CMSS1: variants seen among roughly 807,000 people sequenced by gnomAD.
CMSS1 encodes the protein cms1 ribosomal small subunit homolog.
A neutral mutation model predicts 43.5 loss-of-function variants in CMSS1; 33 were observed. The observed-to-expected ratio is 0.76, with a 90% CI of 0.57 to 1.01. CMSS1 has a LOEUF of 1.01. Among genes scored for constraint, CMSS1 ranks in the 50% least tolerant of loss-of-function variants. The probability of loss-of-function intolerance (pLI) is 0.00; values close to 1 mark genes in which losing one functional copy is unlikely to be tolerated. For missense variants in CMSS1, 313 were observed against 326.4 expected (o/e 0.96, Z 0.32); for synonymous variants, 115 against 117.2 (o/e 0.98, Z 0.12).
intron 1 of CMSS1, among the ~76,000 whole-genome samples, chr3:99,983,416 A>ATATATATATATATG (rs1553702725): frequency 2.1e-5 from 2 of 96,952 alleles, no homozygotes; most frequent in African/African-American, 8.7e-5. Flanking sequence ...ATATATATAT[A>ATATATATATATATG]TATGTATGTA....
At chr3:99,847,379 C>T (rs1255113937) in intron 1 of CMSS1, among the ~76,000 whole-genome samples, 2 of 148,336 alleles carry the variant, frequency 1.3e-5, no homozygotes, top group Non-Finnish European at 3.0e-5. Flanking sequence ...GTAGAGTGTT[C>T]AAGAGTTTAT....
At chr3:99,831,865 A>G (rs1451603298) in intron 1 of CMSS1, among the ~76,000 whole-genome samples, 3 of 152,334 alleles carry the variant, frequency 2.0e-5, no homozygotes, top group Admixed American at 2.0e-4. Context: ...GTGCTGCCAT[A>G]ATTGAACTTC....
At chr3:99,880,690 A>AT (rs971904178) in intron 1 of CMSS1, among the ~76,000 whole-genome samples, 3 of 151,938 alleles carry the variant, frequency 2.0e-5, no homozygotes, top group Admixed American at 6.6e-5. Context: ...TTAATTTAAA[A>AT]TTTTTTTTAT....
At chr3:100,103,396 T>C (rs955862974) in intron 1 of CMSS1, among the ~76,000 whole-genome samples, 5 of 152,232 alleles carry the variant, frequency 3.3e-5, no homozygotes, top group Non-Finnish European at 7.3e-5. Flanking sequence ...GCCACACAAG[T>C]ACTGGCATGA....
At chr3:100,117,359 A>G (rs2066579761) in intron 1 of CMSS1, among the ~76,000 whole-genome samples, 2 of 152,156 alleles carry the variant, frequency 1.3e-5, no homozygotes, top group South Asian at 2.1e-4. Context: ...AATCTTTCCA[A>G]CATCACTGAG....
chr3:99,873,649 T>G (rs1026982257), intron 1 of CMSS1, among the ~76,000 whole-genome samples: 2 of 152,192 alleles, frequency 1.3e-5, no homozygotes, highest in Non-Finnish European at 2.9e-5. Flanking sequence ...AAAATCCATT[T>G]ATTACCAAAG....
chr3:100,066,913 A>G (rs950139632), intron 1 of CMSS1, among the ~76,000 whole-genome samples: 1 of 152,090 alleles, frequency 6.6e-6, no homozygotes, highest in Non-Finnish European at 1.5e-5. Context: ...ATAGCCAGTC[A>G]TTACTTGTTT....
rs938283689 is a variant in CMSS1, at chr3:99,966,502, G to A, written c.64+148459G>A. Among the ~76,000 whole-genome samples the A allele has an allele frequency of 1.6e-4, 24 of 152,170 alleles. 1 individual carries two copies. Among genetic ancestry groups the A allele is most frequent in the African/African-American group, 4.8e-4 (20 of 41,512 alleles). ...AATGATTGTTTTTGTGCAGAGCCCCGTCAAAATAGTACGGAGACTTAGACT... is the reference window on the plus strand; with the variant it reads ...AATGATTGTTTTTGTGCAGAGCCCCATCAAAATAGTACGGAGACTTAGACT... On this transcript the variant is annotated intron_variant, in intron 1 of 9. Transcript: ENST00000421999.
chr3:99,982,536 C>A (rs1317518863), intron 1 of CMSS1, among the ~76,000 whole-genome samples: 1 of 151,944 alleles, frequency 6.6e-6, no homozygotes, highest in African/African-American at 2.4e-5. Context: ...GAATAAGAGT[C>A]TCTCACTCTG....
intron 1 of CMSS1, among the ~76,000 whole-genome samples, chr3:99,838,393 A>T (rs1458291513): frequency 6.6e-6 from 1 of 152,212 alleles, no homozygotes; most frequent in Non-Finnish European, 1.5e-5. Context: ...GTTTCAGAAG[A>T]GGCGAGCATT....
intron 1 of CMSS1, among the ~76,000 whole-genome samples, chr3:99,903,258 G>GTT (rs11425482): frequency 2.3e-4 from 34 of 148,364 alleles, no homozygotes; most frequent in South Asian, 8.6e-4. Context: ...ACATATGCAT[G>GTT]TTTTTTTTTT....
At chr3:100,090,022 C>T (rs1170478935) in intron 1 of CMSS1, among the ~76,000 whole-genome samples, 1 of 152,236 alleles carries the variant, frequency 6.6e-6, no homozygotes, top group Non-Finnish European at 1.5e-5. Context: ...GCTAGCTTTT[C>T]TCCTGATAGG....
At chr3:99,911,516 G>A (rs566458584) in intron 1 of CMSS1, among the ~76,000 whole-genome samples, 1 of 152,054 alleles carries the variant, frequency 6.6e-6, no homozygotes, top group Admixed American at 6.5e-5. Flanking sequence ...GAAATCCAAG[G>A]TTGTGGCATA....
At position 99,984,342 on chromosome 3, in the gene CMSS1, A is replaced by G. The variant is rs80065475; in HGVS notation, c.65-162631A>G. Among the ~76,000 whole-genome samples the G allele has an allele frequency of 1.6e-3, 242 of 152,330 alleles. 4 individuals carry two copies. In the East Asian group the frequency reaches 0.041, roughly 26 times the overall value. Reference sequence around the variant, plus strand: ...TAATCTAGAGCCAAGAATGAAAACCACATAATATATTTTTAGGATTAAACC... The same window carrying G: ...TAATCTAGAGCCAAGAATGAAAACCGCATAATATATTTTTAGGATTAAACC... On this transcript the variant is annotated intron_variant, in intron 1 of 9. Coordinates refer to ENST00000421999, the MANE Select transcript of CMSS1 (RefSeq NM_032359.4).
At chr3:100,169,622 A>G (rs1404262434) in intron 6 of CMSS1, among the ~76,000 whole-genome samples, 1 of 152,382 alleles carries the variant, frequency 6.6e-6, no homozygotes, top group South Asian at 2.1e-4. Context: ...ATTAAATTGT[A>G]TCACATTATG....
In CMSS1 at chr3:100,001,911, C is replaced by T. The variant is rs143701846; in HGVS notation, c.65-145062C>T. On this transcript the variant is annotated intron_variant, in intron 1 of 9. Transcript: ENST00000421999. ...AGCATAGAAGGTCGGGGACCCAACA[C>T]GGTGTCGCCTATGAGGGAAGCACAA... is the stretch of plus-strand genomic sequence containing the variant. 4.6e-5 allele frequency among the ~76,000 whole-genome samples: 7 copies of T among 152,310 alleles called. No individual in the cohort carries two copies. In the East Asian group the frequency reaches 1.4e-3, roughly 29 times the overall value.
At chr3:99,930,022 T>C (rs751268962) in intron 1 of CMSS1, 1 of 1,605,476 alleles carries the variant, frequency 6.2e-7, no homozygotes, top group Non-Finnish European at 8.5e-7. Flanking sequence ...TATGACCTCA[T>C]CTCGAGCCTG....
chr3:99,852,281 G>A (rs1172354103), intron 1 of CMSS1, among the ~76,000 whole-genome samples: 1 of 152,162 alleles, frequency 6.6e-6, no homozygotes, highest in Non-Finnish European at 1.5e-5. Context: ...TGTCATGGAT[G>A]AAGTTATGAC....
intron 1 of CMSS1, among the ~76,000 whole-genome samples, chr3:100,065,027 G>A (rs1244970274): frequency 6.6e-6 from 1 of 152,160 alleles, no homozygotes; most frequent in Non-Finnish European, 1.5e-5. Flanking sequence ...GTGAGATGAG[G>A]AACAAGATAC....
Sources: allele counts gnomAD v4.1 joint callset (sites outside exome capture counted in the v4.1 genomes callset), GRCh38; gene constraint gnomAD v4.1.1; transcripts MANE v1.5; gene names NCBI Gene and HGNC (gene_info 2026-07-23, HGNC 2026-07-21).